SORBS2: variants seen among roughly 807,000 people sequenced by gnomAD.
SORBS2 encodes sorbin and SH3 domain containing 2.
SORBS2 carries 46 observed loss-of-function variants against 97.7 expected under a neutral mutation model. The observed-to-expected ratio is 0.47, with a 90% confidence interval of 0.37 to 0.60. The LOEUF (loss-of-function observed/expected upper bound fraction) is 0.60. Among genes scored for constraint, SORBS2 ranks in the 20% least tolerant of loss-of-function variants. The pLI is 0.00. For synonymous variants in SORBS2, 476 were observed against 473.4 expected (o/e 1.01, Z -0.07); for missense variants, 1,316 against 1,282.3 (o/e 1.03, Z -0.40).
At chr4:185,751,190 A>AAAAAAAGAG in intron 2 of SORBS2, among the ~76,000 whole-genome samples, 1 of 86,426 alleles carries the variant, frequency 1.2e-5, no homozygotes, top group African/African-American at 4.1e-5. Context: ...AAAAAAAAAA[A>AAAAAAAGAG]AGAGAAAGAG....
At chr4:185,770,893 A>G (rs1298829440) in intron 2 of SORBS2, 1 of 151,822 alleles carries the variant, frequency 6.6e-6, no homozygotes, top group African/African-American at 2.4e-5. Flanking sequence ...ATTTAGAGAA[A>G]TATTTGCACA....
intron 1 of SORBS2, among the ~76,000 whole-genome samples, chr4:185,854,886 T>A (rs1234397319): frequency 6.6e-6 from 1 of 152,160 alleles, no homozygotes; most frequent in Non-Finnish European, 1.5e-5. Context: ...CCTTGAGTGC[T>A]GTGAAACTCT....
At chr4:185,849,776 G>T (rs1247973050) in intron 1 of SORBS2, among the ~76,000 whole-genome samples, 1 of 152,078 alleles carries the variant, frequency 6.6e-6, no homozygotes, top group Non-Finnish European at 1.5e-5. Flanking sequence ...TATTCCATCT[G>T]GTCCTGTTCA....
At chr4:185,868,454 C>A (rs2099228548) in intron 1 of SORBS2, among the ~76,000 whole-genome samples, 1 of 151,066 alleles carries the variant, frequency 6.6e-6, no homozygotes, top group Admixed American at 6.6e-5. Context: ...CCGTGCCCAG[C>A]CGAAAGCTTC....
At chr4:185,657,150 C>A (rs2153468246), upstream of SORBS2, 2 of 328,190 alleles carry the variant, frequency 6.1e-6, no homozygotes, top group Non-Finnish European at 1.0e-5. Flanking sequence ...AACAAACAAA[C>A]AAACAAACTA....
At chr4:185,800,086 C>G (rs764284897) in intron 1 of SORBS2, among the ~76,000 whole-genome samples, 6 of 152,106 alleles carry the variant, frequency 3.9e-5, no homozygotes, top group African/African-American at 7.2e-5. Context: ...CCTAGCTGCT[C>G]AGGAGGCTGA....
At chr4:185,699,702 TA>T (rs1171320458) in intron 2 of SORBS2, among the ~76,000 whole-genome samples, 3 of 152,216 alleles carry the variant, frequency 2.0e-5, no homozygotes, top group Non-Finnish European at 4.4e-5. Context: ...TTGAATGCAT[TA>T]AAAGTTGGAA....
chr4:185,617,977 A>G (rs2096653773), intron 9 of SORBS2, among the ~76,000 whole-genome samples: 1 of 152,092 alleles, frequency 6.6e-6, no homozygotes, highest in African/African-American at 2.4e-5. Context: ...TTATTTACTT[A>G]TTCATTCTTT....
At chr4:185,714,770 C>T (rs1295549613) in intron 2 of SORBS2, among the ~76,000 whole-genome samples, 3 of 151,930 alleles carry the variant, frequency 2.0e-5, no homozygotes, top group Non-Finnish European at 4.4e-5. Flanking sequence ...TATTCACTAC[C>T]ACGAGAACAG....
intron 1 of SORBS2, among the ~76,000 whole-genome samples, chr4:185,808,398 A>C (rs957653340): frequency 3.3e-5 from 5 of 152,210 alleles, no homozygotes; most frequent in Non-Finnish European, 7.4e-5. Flanking sequence ...ACAAGGAATT[A>C]TGTATTTATA....
At chr4:185,796,242 T>A (rs942370212) in intron 1 of SORBS2, among the ~76,000 whole-genome samples, 6 of 152,138 alleles carry the variant, frequency 3.9e-5, no homozygotes, top group African/African-American at 1.4e-4. Flanking sequence ...CCACCCTACC[T>A]CAGTGGTGCT....
intron 2 of SORBS2, among the ~76,000 whole-genome samples, chr4:185,679,404 T>C (rs1259980630): frequency 1.3e-5 from 2 of 152,236 alleles, no homozygotes; most frequent in East Asian, 3.8e-4. Flanking sequence ...TTACAACATG[T>C]TCCACTGTCT....
intron 4 of SORBS2, among the ~76,000 whole-genome samples, chr4:185,631,683 A>G (rs1214259770): frequency 6.6e-6 from 1 of 152,176 alleles, no homozygotes; most frequent in African/African-American, 2.4e-5. Context: ...AATTGCTTGA[A>G]TCTGGGAGGC....
At chr4:185,650,834 C>T (rs560240771) in intron 2 of SORBS2, among the ~76,000 whole-genome samples, 45 of 152,160 alleles carry the variant, frequency 3.0e-4, no homozygotes, top group Middle Eastern at 3.4e-3. Flanking sequence ...ATCAGTGGGG[C>T]GAGCCAAGAC....
chr4:185,845,157 T>G (rs1015278445), intron 1 of SORBS2, among the ~76,000 whole-genome samples: 6 of 151,820 alleles, frequency 4.0e-5, no homozygotes, highest in African/African-American at 1.5e-4. Flanking sequence ...GGACTACTAG[T>G]GGACACCACC....
intron 2 of SORBS2, among the ~76,000 whole-genome samples, chr4:185,745,528 C>A (rs532906013): frequency 1.3e-5 from 2 of 152,292 alleles, no homozygotes; most frequent in Admixed American, 6.5e-5. Context: ...CCTCATAGCA[C>A]CTGTGCACCC....
At position 185,738,093 on chromosome 4, in the gene SORBS2, C is replaced by G. The variant is rs139026194; in HGVS notation, c.-198+37134G>C. ...TGTCCACGCCTTCCTCAACATCTGC[C>G]TCCACTTCCAAGTCAATCGAGACAG... On this transcript the variant is annotated intron_variant, in intron 2 of 20. Transcript: ENST00000284776. Among the ~76,000 whole-genome samples the G allele has an allele frequency of 5.5e-3, 832 of 152,318 alleles. 10 individuals are homozygous for G. Among genetic ancestry groups the G allele is most frequent in the Non-Finnish European group, 7.2e-3 (493 of 68,030 alleles).
At chr4:185,652,075 T>C (rs2097324942) in intron 2 of SORBS2, among the ~76,000 whole-genome samples, 1 of 152,124 alleles carries the variant, frequency 6.6e-6, no homozygotes, top group South Asian at 2.1e-4. Flanking sequence ...TGGGCTCAAA[T>C]CATTCTCCCA....
chr4:185,939,085 T>C (rs2099270549), intron 1 of SORBS2, among the ~76,000 whole-genome samples: 1 of 152,206 alleles, frequency 6.6e-6, no homozygotes, highest in East Asian at 1.9e-4. Context: ...CCCTTTAACC[T>C]CTGCGCCCTG....
Sources: allele counts gnomAD v4.1 joint callset (sites outside exome capture counted in the v4.1 genomes callset), GRCh38; gene constraint gnomAD v4.1.1; transcripts MANE v1.5; gene names NCBI Gene and HGNC (gene_info 2026-07-23, HGNC 2026-07-21).